Variants in NNMT observed in about 807,000 individuals in gnomAD.
NNMT encodes the protein nicotinamide N-methyltransferase.
Under a neutral mutation model 11.7 loss-of-function variants are expected in NNMT, and 10 were observed. The ratio of observed to expected loss-of-function variants is 0.85; its 90% CI spans 0.53 to 1.45. The LOEUF is 1.45. NNMT is among the 40% of genes most tolerant of loss of function. The pLI is 0.00. For missense variants in NNMT, 381 were observed against 319.4 expected, an observed-to-expected ratio of 1.19 and a Z score of -1.47; for synonymous variants, 143 against 133.8, an observed-to-expected ratio of 1.07 and a Z score of -0.48.
chr11:114,309,641 A>G (rs1253409950), intron 2 of NNMT, among the ~76,000 whole-genome samples: 1 of 152,188 alleles, frequency 6.6e-6, no homozygotes, highest in Admixed American at 6.5e-5. Context: ...CATACCATAC[A>G]ATTAATGCAC....
chr11:114,279,901 G>A (rs1300879091), intron 2 of NNMT, among the ~76,000 whole-genome samples: 1 of 152,180 alleles, frequency 6.6e-6, no homozygotes, highest in Admixed American at 6.5e-5. Context: ...TGTCCACACT[G>A]ACTTTGAACT....
At chr11:114,258,985 A>G (rs1163103009) in intron 1 of NNMT, among the ~76,000 whole-genome samples, 1 of 152,166 alleles carries the variant, frequency 6.6e-6, no homozygotes, top group Admixed American at 6.5e-5. Flanking sequence ...TTCTCTCAGG[A>G]AGCCTTCCCT....
At chr11:114,267,770 A>G (rs951869472) in intron 2 of NNMT, among the ~76,000 whole-genome samples, 24 of 152,186 alleles carry the variant, frequency 1.6e-4, no homozygotes, top group Admixed American at 1.3e-4. Context: ...TCACCACGAC[A>G]TACTCCAATT....
chr11:114,302,543 G>C (rs988422334), intron 2 of NNMT, among the ~76,000 whole-genome samples: 3 of 151,814 alleles, frequency 2.0e-5, no homozygotes, highest in Admixed American at 2.0e-4. Context: ...TTTTGCTTTA[G>C]TTAGTAGTGA....
At position 114,298,137 on chromosome 11, in the gene NNMT, T is replaced by C; in HGVS notation, c.341T>C (p.Val114Ala). Residue 114 changes from valine to alanine, a missense_variant, in exon 2 of 3, where the codon GTG becomes GCG. By Grantham distance (64) the Val-to-Ala change is moderately conservative. Transcript: ENST00000299964. ...GACTGGTCCCCAGTGGTGACCTATGTGTGTGATCTTGAAGGGAACAGGTAG... is the reference window on the plus strand; with the variant it reads ...GACTGGTCCCCAGTGGTGACCTATGCGTGTGATCTTGAAGGGAACAGGTAG... Reference protein sequence around the residue: ...AFDWSPVVTYVCDLEGNRVKG... With the variant: ...AFDWSPVVTYACDLEGNRVKG... The C allele has an allele frequency of 6.2e-7, 1 of 1,614,114 alleles. No homozygotes were observed. The highest frequency in any genetic ancestry group is 8.5e-7 in the Non-Finnish European group (1 of 1,180,002).
At chr11:114,310,435 A>G (rs1945539060) in intron 2 of NNMT, among the ~76,000 whole-genome samples, 1 of 152,262 alleles carries the variant, frequency 6.6e-6, no homozygotes, top group South Asian at 2.1e-4. Context: ...CATGTTTGCA[A>G]AGAAGTGATT....
intron 2 of NNMT, among the ~76,000 whole-genome samples, chr11:114,289,112 A>G (rs1565723824): frequency 6.6e-6 from 1 of 152,196 alleles, no homozygotes; most frequent in Non-Finnish European, 1.5e-5. Context: ...GGCAATTCAG[A>G]TTTTATATGT....
At chr11:114,290,468 T>C (rs1299815210) in intron 2 of NNMT, among the ~76,000 whole-genome samples, 1 of 152,224 alleles carries the variant, frequency 6.6e-6, no homozygotes, top group South Asian at 2.1e-4. Flanking sequence ...GTAAGTATTT[T>C]ATTTTGGATC....
intron 2 of NNMT, among the ~76,000 whole-genome samples, chr11:114,304,508 T>C (rs1047926419): frequency 1.3e-5 from 2 of 152,240 alleles, no homozygotes; most frequent in South Asian, 2.1e-4. Flanking sequence ...ATTTTAAGAA[T>C]GATAATGATC....
intron 1 of NNMT, 113 bp downstream of exon 1, chr11:114,296,823 C>A: frequency 9.8e-7 from 1 of 1,022,628 alleles, no homozygotes; most frequent in Non-Finnish European, 1.5e-6. Context: ...TTTGGCATCA[C>A]CCATTTATTT....
chr11:114,263,101 G>A (rs1237476415), intron 2 of NNMT, among the ~76,000 whole-genome samples: 1 of 152,004 alleles, frequency 6.6e-6, no homozygotes, highest in Non-Finnish European at 1.5e-5. Flanking sequence ...CCCAAGCATG[G>A]GTACTTGACC....
At position 114,305,024 on chromosome 11, in the gene NNMT, C is replaced by T. The variant is rs192039821; in HGVS notation, c.362+6866C>T. ...CCTATGGTTCCTGGAACTTGGAATG[C>T]ATAGCTTAGGCTTGTGGTCCCTGGA... On this transcript the variant is annotated intron_variant, in intron 2 of 2. Coordinates refer to ENST00000299964, the MANE Select transcript of NNMT (RefSeq NM_006169.3). Among the ~76,000 whole-genome samples the T allele has an allele frequency of 2.0e-5, 3 of 152,346 alleles. No individual in the cohort carries two copies. In the East Asian group the frequency reaches 5.8e-4, roughly 29 times the overall value.
At chr11:114,303,986 G>T (rs1169320084) in intron 2 of NNMT, among the ~76,000 whole-genome samples, 1 of 152,150 alleles carries the variant, frequency 6.6e-6, no homozygotes, top group Admixed American at 6.6e-5. Flanking sequence ...ATTGGCTATA[G>T]CCTTCAAAGT....
chr11:114,298,842 T>C (rs1489948900), intron 2 of NNMT, among the ~76,000 whole-genome samples: 1 of 152,226 alleles, frequency 6.6e-6, no homozygotes, highest in Non-Finnish European at 1.5e-5. Flanking sequence ...CACGAGAAAT[T>C]GGCAATAGCC....
chr11:114,307,738 C>T (rs938868287), intron 2 of NNMT, among the ~76,000 whole-genome samples: 1 of 152,078 alleles, frequency 6.6e-6, no homozygotes, highest in Non-Finnish European at 1.5e-5. Context: ...CCTGCCACCA[C>T]GTGGCCTTTG....
chr11:114,295,524 A>T (rs1446094895), upstream of NNMT, among the ~76,000 whole-genome samples: 1 of 139,590 alleles, frequency 7.2e-6, no homozygotes, highest in Non-Finnish European at 1.5e-5. Context: ...CCCCGGGTTC[A>T]TGCCATTCTC....
intron 2 of NNMT, among the ~76,000 whole-genome samples, chr11:114,303,653 A>G (rs762052719): frequency 6.6e-6 from 1 of 152,232 alleles, no homozygotes; most frequent in Non-Finnish European, 1.5e-5. Context: ...ACACATGAAC[A>G]AAATCATAAA....
chr11:114,295,600 ATTT>A (rs979180074), upstream of NNMT, among the ~76,000 whole-genome samples: 1 of 143,902 alleles, frequency 6.9e-6, no homozygotes, highest in East Asian at 2.0e-4. Flanking sequence ...AATTTTTTGT[ATTT>A]TTTTTTTAGT....
At chr11:114,279,814 G>A (rs1245207202) in intron 2 of NNMT, among the ~76,000 whole-genome samples, 1 of 152,222 alleles carries the variant, frequency 6.6e-6, no homozygotes, top group Non-Finnish European at 1.5e-5. Flanking sequence ...AGTGGCAGCA[G>A]TTTATAGGAG....
Sources: gnomAD v4.1 joint callset for allele counts (sites outside exome capture counted in the v4.1 genomes callset) on GRCh38, gnomAD v4.1.1 for gene constraint, MANE v1.5 for transcripts, NCBI Gene and HGNC (gene_info 2026-07-23, HGNC 2026-07-21) for gene names.